Variants in RDH12 observed in about 807,000 individuals in gnomAD.
RDH12 encodes the protein all-trans and 9-cis retinol dehydrogenase.
In RDH12, 21 loss-of-function variants were observed where a neutral mutation model predicts 34.0. The ratio of observed to expected loss-of-function variants is 0.62; its 90% CI spans 0.44 to 0.89. The LOEUF (loss-of-function observed/expected upper bound fraction) is 0.89, where lower values mean the gene tolerates loss of function less well. RDH12 is among the 40% of genes least tolerant of loss of function. The probability of loss-of-function intolerance (pLI) is 0.00; values close to 1 mark genes in which losing one functional copy is unlikely to be tolerated. For missense variants in RDH12, 394 were observed against 398.6 expected (o/e 0.99, Z 0.10); for synonymous variants, 198 against 169.9 (o/e 1.17, Z -1.29).
At chr14:67,712,816 T>C (rs185436640) in intron 1 of RDH12, among the ~76,000 whole-genome samples, 76 of 152,220 alleles carry the variant, frequency 5.0e-4, no homozygotes, top group Non-Finnish European at 9.3e-4. Context: ...AGCCATTGCT[T>C]TCAGTTGGCA....
rs528933318 is a variant in RDH12 at position 67,729,555 on chromosome 14, T to C, written c.848+175T>C. ...TAAGGAAACTTACAGTACAAACTTA[T>C]GTGTTGGGAAGAGTTGCTTTTCTGG... On this transcript the variant is annotated intron_variant, in intron 8 of 8. Coordinates refer to ENST00000551171, the MANE Select transcript of RDH12 (RefSeq NM_152443.3). The C allele has an allele frequency of 1.3e-4, 88 of 691,044 alleles. No homozygotes were observed. The East Asian group carries it at 2.3e-3, about 18-fold the overall frequency. 42.8% of individuals were successfully genotyped at this position (691,044 alleles called of 1,614,324 possible).
rs1320509998 is a variant in RDH12 at position 67,726,167 on chromosome 14, T to C, written c.448+12T>C. 2 of 1,518,992 alleles carry C rather than the reference T, an allele frequency of 1.3e-6. No homozygotes were observed. Among genetic ancestry groups the C allele is most frequent in the African/African-American group, 1.4e-5 (1 of 73,172 alleles). 94.1% of individuals were successfully genotyped at this position (1,518,992 alleles called of 1,614,324 possible). A position where few individuals can be genotyped will look rare whatever the true frequency, so the allele number is the denominator to read the frequency against. On this transcript the variant is annotated intron_variant, in intron 6 of 8. Coordinates refer to ENST00000551171, the MANE Select transcript of RDH12 (RefSeq NM_152443.3). ...AGTCAACCACCTGGGTAAGTATCTT[T>C]GGGTGACTAAAAAATGAGGTACACC... is the stretch of plus-strand genomic sequence containing the variant.
At chr14:67,733,595 A>T (rs2140162184) in intron 8 of RDH12, 151 bp from the exon 9 acceptor site, 2 of 577,956 alleles carry the variant, frequency 3.5e-6, no homozygotes, top group East Asian at 7.1e-5. Flanking sequence ...TTTTTAAAAT[A>T]TTTTTGGAGT....
At chr14:67,713,894 A>G (rs958460081) in intron 1 of RDH12, among the ~76,000 whole-genome samples, 1 of 152,144 alleles carries the variant, frequency 6.6e-6, no homozygotes. Context: ...TGAGAGAAAA[A>G]CAGCTGCATT....
intron 1 of RDH12, among the ~76,000 whole-genome samples, chr14:67,704,049 C>A (rs772016465): frequency 6.6e-6 from 1 of 152,120 alleles, no homozygotes; most frequent in Non-Finnish European, 1.5e-5. Flanking sequence ...CTGTTGGATT[C>A]GTATTTTTAT....
intron 1 of RDH12, among the ~76,000 whole-genome samples, chr14:67,702,913 A>C (rs1296161020): frequency 6.6e-6 from 1 of 152,234 alleles, no homozygotes; most frequent in Non-Finnish European, 1.5e-5. Context: ...TCCCAGGCTC[A>C]AGTGATTCTC....
chr14:67,706,115 C>G (rs1231534058), intron 1 of RDH12: 1 of 151,658 alleles, frequency 6.6e-6, no homozygotes, highest in Non-Finnish European at 1.5e-5. Context: ...CAGGGGACCA[C>G]CAGGTTACCT....
At chr14:67,707,111 G>T (rs1251013610) in intron 1 of RDH12, among the ~76,000 whole-genome samples, 1 of 152,162 alleles carries the variant, frequency 6.6e-6, no homozygotes, top group African/African-American at 2.4e-5. Flanking sequence ...TCTAGCTTCA[G>T]TTTGCAGAGC....
At chr14:67,707,050 G>A (rs750594082) in intron 1 of RDH12, among the ~76,000 whole-genome samples, 8 of 152,126 alleles carry the variant, frequency 5.3e-5, no homozygotes, top group African/African-American at 7.2e-5. Flanking sequence ...GTATGAAAGC[G>A]GTTTATGTAT....
chr14:67,710,261 A>G (rs1281497590), intron 1 of RDH12, among the ~76,000 whole-genome samples: 1 of 152,178 alleles, frequency 6.6e-6, no homozygotes, highest in African/African-American at 2.4e-5. Flanking sequence ...TTCTAAATTA[A>G]CTGAGACCTG....
At chr14:67,726,886 A>T in intron 6 of RDH12, 95 bp from the exon 7 acceptor site, 1 of 1,111,720 alleles carries the variant, frequency 9.0e-7, no homozygotes, top group Non-Finnish European at 1.3e-6. Context: ...CACACCCAGA[A>T]GATAGTGAGC....
At chr14:67,714,920 C>T (rs2038051572) in intron 1 of RDH12, 1 of 152,358 alleles carries the variant, frequency 6.6e-6, no homozygotes, top group African/African-American at 2.4e-5. Flanking sequence ...ACACATGTTA[C>T]CACGGCAAAA....
At chr14:67,713,224 C>A (rs1446198835) in intron 1 of RDH12, among the ~76,000 whole-genome samples, 1 of 151,558 alleles carries the variant, frequency 6.6e-6, no homozygotes. Context: ...CAACTCTCTA[C>A]CATCCTAGAA....
intron 8 of RDH12, among the ~76,000 whole-genome samples, chr14:67,731,216 T>C (rs1174208504): frequency 3.5e-4 from 49 of 141,272 alleles, no homozygotes; most frequent in Non-Finnish European, 5.7e-4. Flanking sequence ...TCTTTTTTTT[T>C]TTTTTTTTTT....
chr14:67,732,934 AC>A (rs2038302760), intron 8 of RDH12, among the ~76,000 whole-genome samples: 1 of 151,996 alleles, frequency 6.6e-6, no homozygotes, highest in African/African-American at 2.4e-5. Context: ...GTTTTACAGG[AC>A]TTTTATAATT....
intron 1 of RDH12, among the ~76,000 whole-genome samples, chr14:67,711,185 T>C (rs926810348): frequency 4.6e-5 from 7 of 152,312 alleles, no homozygotes; most frequent in Middle Eastern, 3.4e-3. Context: ...AAATTTAAGG[T>C]TTAGCTATTT....
chr14:67,725,354 A>C, intron 5 of RDH12, 100 bp downstream of exon 5: 1 of 1,220,868 alleles, frequency 8.2e-7, no homozygotes, highest in East Asian at 2.5e-5. Context: ...ACCATCATCC[A>C]CCCCACTAGA....
At chr14:67,715,237 C>G (rs1296731787) in intron 1 of RDH12, 1 of 152,146 alleles carries the variant, frequency 6.6e-6, no homozygotes, top group African/African-American at 2.4e-5. Flanking sequence ...GGGGGGAGCC[C>G]CCTAAATTGA....
intron 7 of RDH12, among the ~76,000 whole-genome samples, chr14:67,728,701 T>TG (rs1439610937): frequency 3.4e-5 from 2 of 58,810 alleles, no homozygotes; most frequent in Non-Finnish European, 4.4e-5. Flanking sequence ...AGGGATATCT[T>TG]GTGGGGGGGG....
Sources: allele counts gnomAD v4.1 joint callset (sites outside exome capture counted in the v4.1 genomes callset), GRCh38; gene constraint gnomAD v4.1.1; transcripts MANE v1.5; gene names NCBI Gene and HGNC (gene_info 2026-07-23, HGNC 2026-07-21).